PDE1C: variants seen among roughly 807,000 people sequenced by gnomAD.
PDE1C encodes the protein dual specificity calcium/calmodulin-dependent 3',5'-cyclic nucleotide phosphodiesterase 1C.
PDE1C carries 62 observed loss-of-function variants against 93.1 expected under a neutral mutation model. The observed-to-expected ratio is 0.67, with a 90% confidence interval of 0.54 to 0.82. The LOEUF (loss-of-function observed/expected upper bound fraction) is 0.82, where lower values mean the gene tolerates loss of function less well. Among genes scored for constraint, PDE1C ranks in the 40% least tolerant of loss-of-function variants. The probability of loss-of-function intolerance (pLI) is 0.00; values close to 1 mark genes in which losing one functional copy is unlikely to be tolerated. For missense variants in PDE1C, 742 were observed against 884.6 expected, an observed-to-expected ratio of 0.84 and a Z score of 2.04; for synonymous variants, 325 against 310.1, an observed-to-expected ratio of 1.05 and a Z score of -0.50.
chr7:31,646,289 G>A, the PDE1C span, among the ~76,000 whole-genome samples: 491 of 152,286 alleles, frequency 3.2e-3, 2 homozygotes, highest in South Asian at 0.021. Context: ...GACCATTAAT[G>A]TAAAAGGTTT....
At chr7:32,122,554 A>G (rs1264551065) in intron 3 of PDE1C, among the ~76,000 whole-genome samples, 1 of 152,260 alleles carries the variant, frequency 6.6e-6, no homozygotes, top group Non-Finnish European at 1.5e-5. Context: ...CTCAGGATTA[A>G]GAAACTTACT....
chr7:31,794,757 T>A (rs1785080541), intron 16 of PDE1C, among the ~76,000 whole-genome samples: 3 of 151,922 alleles, frequency 2.0e-5, no homozygotes, highest in Non-Finnish European at 2.9e-5. Context: ...AGCACCCTTG[T>A]CTGCACAAAA....
rs1805663517 is a variant in PDE1C at position 32,207,402 on chromosome 7, A to G, written c.136+2087T>C. 2.6e-5 allele frequency among the ~76,000 whole-genome samples: 4 copies of G among 152,122 alleles called. No individual in the cohort carries two copies. In the South Asian group the frequency reaches 8.3e-4, roughly 32 times the overall value. On this transcript the variant is annotated intron_variant, in intron 2 of 18. Transcript: ENST00000396193. ...TCATCCGAATCCTCCCAATCTTCCC[A>G]AACTGAACTCTTCATTCACACCACA... is the stretch of plus-strand genomic sequence containing the variant.
intron 16 of PDE1C, among the ~76,000 whole-genome samples, chr7:31,779,418 T>C (rs1036400047): frequency 2.0e-5 from 3 of 152,190 alleles, no homozygotes; most frequent in Non-Finnish European, 4.4e-5. Context: ...ACTATAATCT[T>C]CCAAAAGCCT....
At chr7:32,256,189 G>A in intron 1 of PDE1C, among the ~76,000 whole-genome samples, 1 of 152,162 alleles carries the variant, frequency 6.6e-6, no homozygotes, top group African/African-American at 2.4e-5. Context: ...ATTAATCCTC[G>A]GGGATGTGAA....
intron 1 of PDE1C, among the ~76,000 whole-genome samples, chr7:32,324,684 C>T (rs1783369412): frequency 6.6e-6 from 1 of 152,210 alleles, no homozygotes; most frequent in African/African-American, 2.4e-5. Context: ...CGCGGTGGCT[C>T]ATGCCTATAA....
intron 9 of PDE1C, 91 bp downstream of exon 9, chr7:31,847,877 G>T: frequency 7.5e-7 from 1 of 1,339,340 alleles, no homozygotes; most frequent in Non-Finnish European, 1.1e-6. Context: ...AACATTTTAA[G>T]CAAGGTGTTC....
intron 2 of PDE1C, among the ~76,000 whole-genome samples, chr7:32,197,380 C>A (rs1236189838): frequency 1.3e-5 from 2 of 152,124 alleles, no homozygotes; most frequent in African/African-American, 4.8e-5. Context: ...CTTTGGATAA[C>A]AGTCTGGAAG....
At chr7:32,350,620 G>C (rs1473281481) in intron 1 of PDE1C, among the ~76,000 whole-genome samples, 1 of 10,286 alleles carries the variant, frequency 9.7e-5, no homozygotes, top group African/African-American at 1.7e-4. Flanking sequence ...TATACTCTAA[G>C]TTTTAGGGTA....
chr7:31,659,508 C>T, the PDE1C span, among the ~76,000 whole-genome samples: 1 of 152,184 alleles, frequency 6.6e-6, no homozygotes, highest in Non-Finnish European at 1.5e-5. Flanking sequence ...GGCTTCAGGG[C>T]CAGATAGCGC....
At chr7:32,196,980 G>A (rs569648183) in intron 2 of PDE1C, among the ~76,000 whole-genome samples, 25 of 152,164 alleles carry the variant, frequency 1.6e-4, no homozygotes, top group Non-Finnish European at 4.4e-5. Context: ...TAGGGATGAG[G>A]AGAAATTATG....
chr7:32,237,762 ACTTTT>A (rs1214642077), intron 1 of PDE1C, among the ~76,000 whole-genome samples: 8 of 35,110 alleles, frequency 2.3e-4, no homozygotes, highest in Admixed American at 4.2e-4. Flanking sequence ...ATATATATAT[ACTTTT>A]TTTTTTTTTT....
rs78781450 is a variant in PDE1C, at chr7:32,136,694, C to G, written c.308+33091G>C. On this transcript the variant is annotated intron_variant, in intron 3 of 18. Transcript: ENST00000396193. ...AGAAGGGGCCAAAACAGGCATGTAC[C>G]AATAATGGGAAGGCCGGAGCTGCTG... Among the ~76,000 whole-genome samples the G allele has an allele frequency of 5.0e-3, 755 of 152,232 alleles. 6 individuals are homozygous for G. Among genetic ancestry groups the G allele is most frequent in the African/African-American group, 0.016 (681 of 41,546 alleles).
intron 1 of PDE1C, among the ~76,000 whole-genome samples, chr7:32,234,077 G>C (rs1253845569): frequency 6.6e-6 from 1 of 151,886 alleles, no homozygotes; most frequent in African/African-American, 2.4e-5. Context: ...AATATCAGGG[G>C]ATATTTTAAG....
Position 32,261,111 on chromosome 7 carries a change from G to GA in PDE1C, c.85+37539dup, listed in dbSNP as rs950678900. Among the ~76,000 whole-genome samples, 970 of 149,176 alleles carry GA rather than the reference G, an allele frequency of 6.5e-3. 9 individuals are homozygous for GA. The highest frequency in any genetic ancestry group is 9.2e-3 in the Non-Finnish European group (620 of 67,096). ...GGCAACAGAGCGAGACTTCGTCTCA[G>GA]AAAAAAAAAAGAAAAGAAACTACAG... On this transcript the variant is annotated intron_variant, in intron 1 of 18. Transcript: ENST00000396193.
intron 14 of PDE1C, among the ~76,000 whole-genome samples, chr7:31,818,852 A>G (rs1788599984): frequency 6.6e-6 from 1 of 152,178 alleles, no homozygotes; most frequent in Non-Finnish European, 1.5e-5. Flanking sequence ...TAATTTTGAT[A>G]AAAACTGAAG....
At chr7:32,178,672 A>G (rs1382299861) in intron 2 of PDE1C, among the ~76,000 whole-genome samples, 1 of 151,444 alleles carries the variant, frequency 6.6e-6, no homozygotes, top group Non-Finnish European at 1.5e-5. Flanking sequence ...CCCCTCCCCA[A>G]CCTTCTCTTT....
intron 2 of PDE1C, among the ~76,000 whole-genome samples, chr7:32,014,651 C>T (rs1302966612): frequency 6.6e-6 from 1 of 152,044 alleles, no homozygotes; most frequent in Non-Finnish European, 1.5e-5. Context: ...TGTTGTTCCC[C>T]TCCCTGTGTC....
chr7:32,207,621 CT>C (rs58529198), intron 2 of PDE1C, among the ~76,000 whole-genome samples: 2 of 151,804 alleles, frequency 1.3e-5, no homozygotes, highest in Non-Finnish European at 1.5e-5. Context: ...TTTCGTTCTC[CT>C]TTTTTTTCCC....
Sources: gnomAD v4.1 joint callset for allele counts (sites outside exome capture counted in the v4.1 genomes callset) on GRCh38, gnomAD v4.1.1 for gene constraint, MANE v1.5 for transcripts, NCBI Gene and HGNC (gene_info 2026-07-23, HGNC 2026-07-21) for gene names.